Variants in SCD5 observed in about 807,000 individuals in gnomAD.
SCD5 encodes stearoyl-CoA desaturase 5, also known as acyl-CoA-desaturase 4.
A neutral mutation model predicts 30.4 loss-of-function variants in SCD5; 20 were observed. That is an observed-to-expected ratio of 0.66 (90% confidence interval 0.46 to 0.96). The LOEUF is 0.96. Ranked by LOEUF, SCD5 falls within the 40% of genes least tolerant of loss-of-function variation. SCD5 has a pLI of 0.00. For synonymous variants in SCD5, 173 were observed against 176.4 expected (o/e 0.98, Z 0.16); for missense variants, 381 against 443.3 (o/e 0.86, Z 1.26).
chr4:82,729,212 C>G (rs1720573416), intron 1 of SCD5, among the ~76,000 whole-genome samples: 1 of 152,144 alleles, frequency 6.6e-6, no homozygotes, highest in Non-Finnish European at 1.5e-5. Flanking sequence ...CTACAAAGTC[C>G]GTGAAGACAA....
intron 2 of SCD5, among the ~76,000 whole-genome samples, chr4:82,689,152 C>T (rs1437415452): frequency 6.6e-6 from 1 of 152,188 alleles, no homozygotes; most frequent in African/African-American, 2.4e-5. Flanking sequence ...TAAAAGGAAT[C>T]AGGAGTGTGG....
intron 1 of SCD5, among the ~76,000 whole-genome samples, chr4:82,713,853 CCT>C (rs1296504020): frequency 6.6e-6 from 1 of 152,228 alleles, no homozygotes; most frequent in Non-Finnish European, 1.5e-5. Context: ...TCACCTCACC[CCT>C]GACACCTCCC....
intron 3 of SCD5, among the ~76,000 whole-genome samples, chr4:82,655,110 C>T (rs554488339): frequency 5.0e-4 from 76 of 152,280 alleles, no homozygotes; most frequent in African/African-American, 1.7e-3. Flanking sequence ...TCTTAATATC[C>T]TCATCTACTA....
intron 1 of SCD5, among the ~76,000 whole-genome samples, chr4:82,719,084 T>C (rs111822565): frequency 4.0e-5 from 6 of 151,864 alleles, no homozygotes; most frequent in Non-Finnish European, 7.4e-5. Context: ...ACCCACAGAT[T>C]TTTTAAAAAA....
chr4:82,766,452 T>C (rs1209419575), intron 1 of SCD5, among the ~76,000 whole-genome samples: 1 of 152,244 alleles, frequency 6.6e-6, no homozygotes, highest in Non-Finnish European at 1.5e-5. Context: ...TTCAACAACT[T>C]CCATGTCTCT....
chr4:82,712,785 C>T (rs1302391374), intron 1 of SCD5, among the ~76,000 whole-genome samples: 1 of 152,156 alleles, frequency 6.6e-6, no homozygotes, highest in African/African-American at 2.4e-5. Context: ...AGTGACAGGG[C>T]AAGGACCTCT....
chr4:82,773,305 A>T (rs1239246374), intron 1 of SCD5, among the ~76,000 whole-genome samples: 1 of 152,130 alleles, frequency 6.6e-6, no homozygotes, highest in East Asian at 1.9e-4. Flanking sequence ...ACCACACCAC[A>T]CATCCTCCCC....
intron 1 of SCD5, among the ~76,000 whole-genome samples, chr4:82,761,576 C>CTT (rs1300978212): frequency 6.7e-6 from 1 of 149,298 alleles, no homozygotes; most frequent in African/African-American, 2.5e-5. Flanking sequence ...AGCCTCGTTT[C>CTT]TTTTTTTTTT....
intron 1 of SCD5, among the ~76,000 whole-genome samples, chr4:82,743,684 G>T (rs980347668): frequency 2.6e-5 from 4 of 151,896 alleles, no homozygotes; most frequent in Non-Finnish European, 5.9e-5. Context: ...ACCATGCCTG[G>T]CTAATTTTTA....
intron 1 of SCD5, among the ~76,000 whole-genome samples, chr4:82,787,424 A>G (rs1486516855): frequency 1.3e-5 from 2 of 152,130 alleles, no homozygotes; most frequent in African/African-American, 2.4e-5. Context: ...GAAATGTAAA[A>G]CACAGGAGCC....
rs532926543 is a variant in SCD5 at position 82,724,109 on chromosome 4, T to C, written c.233-18696A>G. Among the ~76,000 whole-genome samples the C allele has an allele frequency of 3.3e-5, 5 of 152,348 alleles. No homozygotes were observed. In the South Asian group the frequency reaches 1.0e-3, roughly 32 times the overall value. ...ATGGCAAATGTTAATAATTATTGAA[T>C]CTAGTGGTAGATATATGGGTGTTTA... On this transcript the variant is annotated intron_variant, in intron 1 of 4. Coordinates refer to ENST00000319540, the MANE Select transcript of SCD5 (RefSeq NM_001037582.3).
At chr4:82,681,162 T>C (rs1236613722) in intron 2 of SCD5, among the ~76,000 whole-genome samples, 1 of 152,096 alleles carries the variant, frequency 6.6e-6, no homozygotes, top group Non-Finnish European at 1.5e-5. Flanking sequence ...CTGCAGGAAG[T>C]TCAGGCTTGT....
chr4:82,680,278 A>G (rs1728539747), intron 3 of SCD5, among the ~76,000 whole-genome samples: 2 of 152,202 alleles, frequency 1.3e-5, no homozygotes, highest in Non-Finnish European at 1.5e-5. Context: ...TTTCACTACA[A>G]GAGAATTTCA....
In SCD5 at chr4:82,658,630, C is replaced by CTTTTTT. The variant is rs57727794; in HGVS notation, c.570-21813_570-21808dup. On this transcript the variant is annotated intron_variant, in intron 3 of 4. Transcript: ENST00000319540. Reference sequence around the variant, plus strand: ...TACAAGTGTGTGCTACCACACCTGGCTTTTTTTTTTTTTTTTTTTTTTTTT... The same window carrying CTTTTTT: ...TACAAGTGTGTGCTACCACACCTGGCTTTTTTTTTTTTTTTTTTTTTTTTTTTTTTT... 2.1e-3 allele frequency among the ~76,000 whole-genome samples: 250 copies of CTTTTTT among 116,862 alleles called. 1 individual carries two copies. Among genetic ancestry groups the CTTTTTT allele is most frequent in the East Asian group, 3.6e-3 (14 of 3,918 alleles). 76.7% of individuals were successfully genotyped at this position (116,862 alleles called of 152,430 possible). A position where few individuals can be genotyped will look rare whatever the true frequency, so the allele number is the denominator to read the frequency against.
At chr4:82,771,593 TCA>T (rs1347766802) in intron 1 of SCD5, among the ~76,000 whole-genome samples, 1 of 152,160 alleles carries the variant, frequency 6.6e-6, no homozygotes, top group Non-Finnish European at 1.5e-5. Context: ...TTGCTTAAAA[TCA>T]CACAGTTTGG....
chr4:82,644,643 A>G (rs552531640), intron 3 of SCD5, among the ~76,000 whole-genome samples: 1 of 152,346 alleles, frequency 6.6e-6, no homozygotes, highest in Admixed American at 6.5e-5. Context: ...CCCAAAAACC[A>G]CAATCATGCA....
chr4:82,741,853 C>CGGGGGGGGG (rs34875819), intron 1 of SCD5, among the ~76,000 whole-genome samples: 20 of 45,364 alleles, frequency 4.4e-4, no homozygotes, highest in Non-Finnish European at 5.9e-4. Flanking sequence ...TCAGAGTGGG[C>CGGGGGGGGG]GGGGGGGGGG....
At chr4:82,776,840 A>T (rs921812037) in intron 1 of SCD5, among the ~76,000 whole-genome samples, 1 of 152,246 alleles carries the variant, frequency 6.6e-6, no homozygotes, top group African/African-American at 2.4e-5. Flanking sequence ...ATACATATTT[A>T]TGTTAATCTG....
chr4:82,784,080 C>T (rs67201906), intron 1 of SCD5, among the ~76,000 whole-genome samples: 32,564 of 151,916 alleles, frequency 0.21, 4,809 homozygotes, highest in African/African-American at 0.42. Flanking sequence ...TGTCAGCTGG[C>T]GAATCTGGAT....
Sources: gnomAD v4.1 joint callset for allele counts (sites outside exome capture counted in the v4.1 genomes callset) on GRCh38, gnomAD v4.1.1 for gene constraint, MANE v1.5 for transcripts, NCBI Gene and HGNC (gene_info 2026-07-23, HGNC 2026-07-21) for gene names.